ZFPM1: variants seen among roughly 807,000 people sequenced by gnomAD.
ZFPM1 encodes zinc finger protein, FOG family member 1.
Under a neutral mutation model 46.3 loss-of-function variants are expected in ZFPM1, and 28 were observed. That is an observed-to-expected ratio of 0.60 (90% CI 0.45 to 0.83). The LOEUF is 0.83. Ranked by LOEUF, ZFPM1 falls within the 40% of genes least tolerant of loss-of-function variation. The pLI is 0.00. For missense variants in ZFPM1, 1,878 were observed against 1,432.4 expected (o/e 1.31, Z -5.02); for synonymous variants, 957 against 675.9 (o/e 1.42, Z -6.45).
chr16:88,476,394 G>T (rs1280332764), intron 1 of ZFPM1, among the ~76,000 whole-genome samples: 2 of 152,150 alleles, frequency 1.3e-5, no homozygotes, highest in African/African-American at 2.4e-5. Flanking sequence ...GATGCTGGGG[G>T]TGCGGCCGTG....
intron 1 of ZFPM1, among the ~76,000 whole-genome samples, chr16:88,483,182 A>C (rs1909035618): frequency 6.6e-6 from 1 of 151,992 alleles, no homozygotes; most frequent in African/African-American, 2.4e-5. Context: ...GCCGGGACTC[A>C]TGGGTCCCAG....
chr16:88,520,284 ATAGG>A lies in ZFPM1; in HGVS notation c.402+5770_402+5773del, dbSNP rs781781912. Among the ~76,000 whole-genome samples the A allele has an allele frequency of 1.4e-3, 205 of 148,396 alleles. 1 individual carries two copies. Among genetic ancestry groups the A allele is most frequent in the Non-Finnish European group, 2.0e-3 (136 of 66,982 alleles). On this transcript the variant is annotated intron_variant, in intron 4 of 9. Coordinates refer to ENST00000319555, the MANE Select transcript of ZFPM1 (RefSeq NM_153813.3). Reference sequence around the variant, plus strand: ...GATGAGTGGATGGATGGATGGATAGATAGGTAGGTGGATGGATGCGTGGGTGAGT... The same window carrying A: ...GATGAGTGGATGGATGGATGGATAGATAGGTGGATGGATGCGTGGGTGAGT...
upstream of ZFPM1, among the ~76,000 whole-genome samples, chr16:88,452,822 G>A (rs1411825050): frequency 2.0e-5 from 3 of 152,162 alleles, no homozygotes. Context: ...GGCGCCGAGA[G>A]GCGGGGCGCA....
At chr16:88,464,731 C>T (rs893391347) in intron 1 of ZFPM1, among the ~76,000 whole-genome samples, 1 of 152,262 alleles carries the variant, frequency 6.6e-6, no homozygotes, top group Admixed American at 6.5e-5. Flanking sequence ...TCTCCTGGTC[C>T]GGGCCTCTGG....
chr16:88,534,892 T>C lies in ZFPM1; in HGVS notation c.2934T>C (p.Leu978=). The C allele has an allele frequency of 1.3e-6, 2 of 1,566,700 alleles. No homozygotes were observed. The highest frequency in any genetic ancestry group is 2.5e-5 in the East Asian group (1 of 39,546). ...ACGGCAACCACCGGTACTGCCGTCT[T>C]TGCAACATCAAGTTCAGCAGCCTGT... is the stretch of plus-strand genomic sequence containing the variant. ...LPNGNHRYCR[L]CNIKFSSLST... The change falls in exon 10 of 10, where the codon CTT becomes CTC. Residue 978 remains leucine, a synonymous_variant. Coordinates refer to ENST00000319555, the MANE Select transcript of ZFPM1 (RefSeq NM_153813.3).
At chr16:88,493,697 A>G (rs1409418556) in intron 3 of ZFPM1, among the ~76,000 whole-genome samples, 3 of 151,860 alleles carry the variant, frequency 2.0e-5, no homozygotes, top group African/African-American at 4.8e-5. Context: ...CTGTCCTGGC[A>G]TGCACATGGC....
At chr16:88,529,499 C>G (rs763205651) in intron 6 of ZFPM1, among the ~76,000 whole-genome samples, 3 of 152,206 alleles carry the variant, frequency 2.0e-5, no homozygotes, top group East Asian at 1.9e-4. Flanking sequence ...AGCAGACCCC[C>G]ACTCTTTGAG....
chr16:88,465,906 G>A (rs1908114515), intron 1 of ZFPM1, among the ~76,000 whole-genome samples: 1 of 152,192 alleles, frequency 6.6e-6, no homozygotes, highest in Non-Finnish European at 1.5e-5. Flanking sequence ...GCAGCCATAG[G>A]GGTGGAGGAG....
At chr16:88,459,583 C>T (rs1308100780) in intron 1 of ZFPM1, among the ~76,000 whole-genome samples, 131 of 117,446 alleles carry the variant, frequency 1.1e-3, no homozygotes, top group Non-Finnish European at 1.7e-3. Context: ...TCTTCTTCCT[C>T]CTCCCCCTCC....
At position 88,533,441 on chromosome 16, in the gene ZFPM1, C is replaced by G; in HGVS notation, c.1483C>G (p.Pro495Ala). 1 of 1,448,108 alleles carries G rather than the reference C, an allele frequency of 6.9e-7. No individual in the cohort carries two copies. Among genetic ancestry groups the G allele is most frequent in the Non-Finnish European group, 9.0e-7 (1 of 1,109,904 alleles). The allele number at this position is 1,448,108 out of a possible 1,614,324, so 89.7% of individuals were successfully genotyped here. ...APSRTPSPRS[P>A]APARVKAELS... ...GTCGCGGACGCCGTCGCCGCGCAGC[C>G]CCGCCCCGGCCAGGGTCAAGGCCGA... Residue 495 changes from proline to alanine, a missense_variant, in exon 10 of 10, where the codon CCC (proline) becomes GCC (alanine). By Grantham distance (27) the Pro-to-Ala change is conservative. Transcript: ENST00000319555.
intron 9 of ZFPM1, 63 bp from the exon 10 acceptor site, chr16:88,533,085 C>G: frequency 1.4e-6 from 2 of 1,467,448 alleles, no homozygotes; most frequent in South Asian, 1.4e-5. Context: ...AGCTCGCCCT[C>G]CAGCTCTGAC....
chr16:88,527,374 CT>C, intron 5 of ZFPM1, among the ~76,000 whole-genome samples: 1 of 152,330 alleles, frequency 6.6e-6, no homozygotes, highest in Admixed American at 6.5e-5. Flanking sequence ...CCTTGCCGTG[CT>C]GCTGCTACTG....
chr16:88,534,058 G>A lies in ZFPM1; in HGVS notation c.2100G>A (p.Val700=), dbSNP rs1597292464. ...IRFSRHETYT[V]HKRYYCASRH... is the part of the protein sequence containing the mutation. ...TCAGCCGCCACGAGACCTACACCGTGCACAAGCGGTACTACTGCGCCTCGC... is the reference window on the plus strand; with the variant it reads ...TCAGCCGCCACGAGACCTACACCGTACACAAGCGGTACTACTGCGCCTCGC... The change falls in exon 10 of 10, where the codon GTG becomes GTA. Residue 700 remains valine (V), a synonymous_variant. Transcript: ENST00000319555. The A allele has an allele frequency of 1.5e-6, 2 of 1,300,104 alleles. No homozygotes were observed. Among genetic ancestry groups the A allele is most frequent in the South Asian group, 1.3e-5 (1 of 78,412 alleles). The allele number at this position is 1,300,104 out of a possible 1,614,324, so 80.5% of individuals were successfully genotyped here. A position where few individuals can be genotyped will look rare whatever the true frequency, so the allele number is the denominator to read the frequency against.
At chr16:88,491,864 C>T (rs751839847) in intron 3 of ZFPM1, among the ~76,000 whole-genome samples, 4 of 152,174 alleles carry the variant, frequency 2.6e-5, no homozygotes, top group Admixed American at 6.5e-5. Flanking sequence ...AGCTATCACC[C>T]GCGGGGAAGC....
intron 3 of ZFPM1, among the ~76,000 whole-genome samples, chr16:88,491,844 A>T (rs1237509255): frequency 3.3e-5 from 5 of 152,188 alleles, no homozygotes. Context: ...TATCAGACCC[A>T]CACAGGCTGA....
chr16:88,473,054 G>A (rs1009784458), intron 1 of ZFPM1, among the ~76,000 whole-genome samples: 20 of 152,266 alleles, frequency 1.3e-4, no homozygotes, highest in African/African-American at 4.3e-4. Context: ...GCCGTCCCCC[G>A]TGGGACCGGG....
chr16:88,511,921 T>C (rs979471499), intron 3 of ZFPM1, among the ~76,000 whole-genome samples: 4 of 152,132 alleles, frequency 2.6e-5, no homozygotes, highest in Admixed American at 6.5e-5. Flanking sequence ...ATGGTGACCA[T>C]TGCCCTGGTC....
In ZFPM1 at chr16:88,533,867, T is replaced by C; in HGVS notation, c.1909T>C (p.Ser637Pro). ...GQPAEPDAPR[S>P]SPGPGAREEG... ...GCCCGCCGAACCCGACGCGCCGCGCTCGTCCCCGGGCCCCGGAGCGCGCGA... is the reference window on the plus strand; with the variant it reads ...GCCCGCCGAACCCGACGCGCCGCGCCCGTCCCCGGGCCCCGGAGCGCGCGA... The change falls in exon 10 of 10, where the codon TCG (serine) becomes CCG (proline). Residue 637 changes from serine to proline, a missense_variant. By Grantham distance (74) the Ser-to-Pro change is moderately conservative (BLOSUM62 -1). Transcript: ENST00000319555. 3.1e-6 allele frequency: 3 copies of C among 976,238 alleles called. No homozygotes were observed. The highest frequency in any genetic ancestry group is 3.6e-6 in the Non-Finnish European group (3 of 829,930). The allele number at this position is 976,238 out of a possible 1,614,324, so 60.5% of individuals were successfully genotyped here. A position where few individuals can be genotyped will look rare whatever the true frequency, so the allele number is the denominator to read the frequency against.
intron 3 of ZFPM1, among the ~76,000 whole-genome samples, chr16:88,494,144 G>T (rs1302991468): frequency 6.6e-6 from 1 of 152,146 alleles, no homozygotes; most frequent in Non-Finnish European, 1.5e-5. Context: ...GAGCTTGTCG[G>T]CTGCCCCGGG....
Sources: gnomAD v4.1 joint callset for allele counts (sites outside exome capture counted in the v4.1 genomes callset) on GRCh38, gnomAD v4.1.1 for gene constraint, MANE v1.5 for transcripts, NCBI Gene and HGNC (gene_info 2026-07-23, HGNC 2026-07-21) for gene names.